SSBP3: variants seen among roughly 807,000 people sequenced by gnomAD.
SSBP3 encodes single stranded DNA binding protein 3, also known as single-stranded DNA-binding protein 3.
A neutral mutation model predicts 69.6 loss-of-function variants in SSBP3; 5 were observed. The ratio of observed to expected loss-of-function variants is 0.07; its 90% CI spans 0.04 to 0.15. SSBP3 has a LOEUF of 0.15. Among genes scored for constraint, SSBP3 ranks in the 10% least tolerant of loss-of-function variants. The pLI is 1.00. For synonymous variants in SSBP3, 196 were observed against 193.4 expected, an observed-to-expected ratio of 1.01 and a Z score of -0.11; for missense variants, 312 against 534.0, an observed-to-expected ratio of 0.58 and a Z score of 4.10.
chr1:54,407,154 G>C (rs1409434137), upstream of SSBP3, among the ~76,000 whole-genome samples: 1 of 152,144 alleles, frequency 6.6e-6, no homozygotes, highest in African/African-American at 2.4e-5. Context: ...TGGGGAGCCG[G>C]GGGGGAGGGG....
At chr1:54,241,059 C>A in intron 12 of SSBP3, 100 bp from the exon 13 acceptor site, 1 of 1,323,576 alleles carries the variant, frequency 7.6e-7, no homozygotes, top group South Asian at 1.4e-5. Flanking sequence ...CTGCTCGCCC[C>A]AGGCCCAGCC....
chr1:54,268,503 G>A (rs533375499), intron 5 of SSBP3, among the ~76,000 whole-genome samples: 3 of 152,274 alleles, frequency 2.0e-5, no homozygotes, highest in Admixed American at 6.5e-5. Context: ...GTAATGATTC[G>A]TCATATCCAA....
chr1:54,267,225 C>G (rs370017638), intron 5 of SSBP3, among the ~76,000 whole-genome samples: 9 of 152,206 alleles, frequency 5.9e-5, no homozygotes, highest in East Asian at 3.9e-4. Flanking sequence ...GAGGGCTTTC[C>G]TGCTGGAGAT....
At chr1:54,300,678 A>C (rs1369505356) in intron 4 of SSBP3, among the ~76,000 whole-genome samples, 4 of 152,132 alleles carry the variant, frequency 2.6e-5, no homozygotes, top group Non-Finnish European at 5.9e-5. Flanking sequence ...CATGTGTGAA[A>C]TTTTGATTCT....
chr1:54,271,038 T>C (rs1164505888), intron 5 of SSBP3, among the ~76,000 whole-genome samples: 1 of 152,222 alleles, frequency 6.6e-6, no homozygotes, highest in Non-Finnish European at 1.5e-5. Flanking sequence ...GCTTAGCTGC[T>C]GGTCAACACG....
intron 4 of SSBP3, among the ~76,000 whole-genome samples, chr1:54,289,659 T>C (rs944124320): frequency 1.3e-5 from 2 of 152,006 alleles, no homozygotes; most frequent in Admixed American, 6.5e-5. Flanking sequence ...GCTGGGGCCT[T>C]AAAGGACGGC....
chr1:54,259,433 C>T (rs1187338657), intron 5 of SSBP3, among the ~76,000 whole-genome samples: 2 of 152,170 alleles, frequency 1.3e-5, no homozygotes, highest in Non-Finnish European at 2.9e-5. Context: ...TCAGTAAGCG[C>T]GGAGGGCTGC....
rs144476083 is a variant in SSBP3 at position 54,391,952 on chromosome 1, C to T, written c.276+9909G>A. On this transcript the variant is annotated intron_variant, in intron 4 of 17. Transcript: ENST00000610401. ...CCAGCCAGCAGGGACAGGCTGCAAA[C>T]TCCTCCAGCTTTGCCTAGAGAGCCA... 2.4e-3 allele frequency among the ~76,000 whole-genome samples: 362 copies of T among 152,276 alleles called. 2 individuals are homozygous for T. The highest frequency in any genetic ancestry group is 8.4e-3 in the African/African-American group (350 of 41,534).
At chr1:54,262,642 G>A (rs1161870227) in intron 5 of SSBP3, among the ~76,000 whole-genome samples, 1 of 152,248 alleles carries the variant, frequency 6.6e-6, no homozygotes, top group African/African-American at 2.4e-5. Flanking sequence ...CCAAGAGAGG[G>A]TGATGCCTAC....
chr1:54,292,470 C>T (rs1435019886), intron 4 of SSBP3, among the ~76,000 whole-genome samples: 2 of 152,194 alleles, frequency 1.3e-5, no homozygotes, highest in Non-Finnish European at 2.9e-5. Flanking sequence ...ATGTCCTCTA[C>T]GGCCCCAGCT....
At chr1:54,403,920 G>A (rs369813634) in intron 3 of SSBP3, among the ~76,000 whole-genome samples, 1 of 151,570 alleles carries the variant, frequency 6.6e-6, no homozygotes, top group African/African-American at 2.4e-5. Flanking sequence ...GGCCTGGTTA[G>A]AGAGTCACAG....
intron 4 of SSBP3, chr1:54,287,348 C>CAGAACCGCATGT (rs1553131825): frequency 6.6e-6 from 1 of 152,262 alleles, no homozygotes; most frequent in East Asian, 1.9e-4. Context: ...GGGCCACATG[C>CAGAACCGCATGT]AGAACCGCAT....
chr1:54,278,442 G>A (rs574981101), intron 5 of SSBP3, among the ~76,000 whole-genome samples: 74 of 152,112 alleles, frequency 4.9e-4, no homozygotes, highest in South Asian at 4.1e-4. Flanking sequence ...GGTACTGCCC[G>A]CCTTGGAAAC....
intron 4 of SSBP3, among the ~76,000 whole-genome samples, chr1:54,341,782 G>T (rs917200886): frequency 6.6e-6 from 1 of 152,040 alleles, no homozygotes; most frequent in Admixed American, 6.5e-5. Flanking sequence ...CAGCGGGCCG[G>T]ACAGGGTCCC....
intron 4 of SSBP3, among the ~76,000 whole-genome samples, chr1:54,337,623 G>T (rs1646533805): frequency 6.7e-6 from 1 of 149,070 alleles, no homozygotes; most frequent in African/African-American, 2.5e-5. Context: ...TGCCTCATGA[G>T]TAGCTGGGAC....
chr1:54,288,726 G>A (rs931887066), intron 4 of SSBP3, among the ~76,000 whole-genome samples: 5 of 152,042 alleles, frequency 3.3e-5, no homozygotes, highest in Non-Finnish European at 5.9e-5. Flanking sequence ...TAGTCCCTCT[G>A]TGCCTCCACC....
intron 5 of SSBP3, among the ~76,000 whole-genome samples, chr1:54,267,497 G>A (rs1645122511): frequency 6.6e-6 from 1 of 152,212 alleles, no homozygotes; most frequent in Non-Finnish European, 1.5e-5. Context: ...GGGAGTGAGG[G>A]AGCAGTGACC....
intron 4 of SSBP3, among the ~76,000 whole-genome samples, chr1:54,329,701 C>T (rs1352091572): frequency 6.6e-6 from 1 of 152,242 alleles, no homozygotes; most frequent in Non-Finnish European, 1.5e-5. Flanking sequence ...TTCCAAGTTA[C>T]ACAATCACAG....
intron 9 of SSBP3, among the ~76,000 whole-genome samples, chr1:54,250,979 G>T (rs185081481): frequency 1.3e-4 from 20 of 152,316 alleles, no homozygotes; most frequent in Non-Finnish European, 2.5e-4. Flanking sequence ...TCTTCCAATG[G>T]CTTATAAACT....
Sources: allele counts gnomAD v4.1 joint callset (sites outside exome capture counted in the v4.1 genomes callset), GRCh38; gene constraint gnomAD v4.1.1; transcripts MANE v1.5; gene names NCBI Gene and HGNC (gene_info 2026-07-23, HGNC 2026-07-21).